Variants in TRPM3 observed in about 807,000 individuals in gnomAD.
TRPM3 encodes the protein transient receptor potential cation channel subfamily M member 3.
Under a neutral mutation model 181.2 loss-of-function variants are expected in TRPM3, and 77 were observed. The observed-to-expected ratio is 0.42, with a 90% CI of 0.35 to 0.51. The LOEUF is 0.51. Among genes scored for constraint, TRPM3 ranks in the 20% least tolerant of loss-of-function variants. TRPM3 has a pLI of 0.01. For synonymous variants in TRPM3, 745 were observed against 796.4 expected, an observed-to-expected ratio of 0.94 and a Z score of 1.09; for missense variants, 1,759 against 2,196.7, an observed-to-expected ratio of 0.80 and a Z score of 3.98.
At chr9:71,250,131 T>C (rs1482401272) in intron 1 of TRPM3, among the ~76,000 whole-genome samples, 1 of 152,226 alleles carries the variant, frequency 6.6e-6, no homozygotes, top group African/African-American at 2.4e-5. Context: ...GTCACAATTC[T>C]ACATAGGAGG....
chr9:71,260,622 G>T (rs1207812190), intron 1 of TRPM3, among the ~76,000 whole-genome samples: 1 of 152,062 alleles, frequency 6.6e-6, no homozygotes, highest in African/African-American at 2.4e-5. Flanking sequence ...ATTCCAAGGT[G>T]TTTTATTCTC....
At chr9:70,861,133 A>G (rs2132360171) in intron 3 of TRPM3, among the ~76,000 whole-genome samples, 1 of 152,306 alleles carries the variant, frequency 6.6e-6, no homozygotes, top group East Asian at 1.9e-4. Flanking sequence ...CTGGACTTGT[A>G]AAAAACAGTA....
Position 70,625,270 on chromosome 9 carries a change from A to G in TRPM3, c.1730T>C (p.Leu577Pro). 6.2e-7 allele frequency: 1 copy of G among 1,614,174 alleles called. No homozygotes were observed. Among genetic ancestry groups the G allele is most frequent in the Non-Finnish European group, 8.5e-7 (1 of 1,180,036 alleles). The change falls in exon 14 of 26, where the codon CTG becomes CCG. Residue 577 changes from leucine (L) to proline (P), a missense_variant. Leu to Pro is a moderately conservative substitution (Grantham distance 98). Around this residue, in one of 8 missense-constraint regions of TRPM3, gnomAD observed 737 missense variants for 957.4 expected, o/e 0.77. Transcript: ENST00000677713. The surrounding 1 kb of genome is among the most constrained non-coding windows in gnomAD (Gnocchi z 4.8). ...LIDIGLVIEY[L>P]MGGAYRCNYT... ...GTTGCAGCGATAAGCCCCGCCCATC[A>G]GGTACTCGATCACCAGGCCGATGTC...
Position 70,776,448 on chromosome 9 carries a change from CTTT to C in TRPM3, c.1148+7654_1148+7656del, listed in dbSNP as rs2081375403. The C allele has an allele frequency of 4.2e-6, 3 of 713,690 alleles. No homozygotes were observed. In the Admixed American group the frequency reaches 6.1e-5, roughly 14 times the overall value. The allele number at this position is 713,690 out of a possible 1,614,324, so 44.2% of individuals were successfully genotyped here. ...TCTAAATACCTTTGCTTTCCTCTTCCTTTTTTCTTTCTCTTTTTAGATTGGTTA... is the reference window on the plus strand; with the variant it reads ...TCTAAATACCTTTGCTTTCCTCTTCCTTTCTTTCTCTTTTTAGATTGGTTA... On this transcript the variant is annotated intron_variant, in intron 7 of 25. Coordinates refer to ENST00000677713, the MANE Select transcript of TRPM3 (RefSeq NM_001366145.2).
chr9:70,696,227 T>G (rs1466834905), intron 8 of TRPM3, among the ~76,000 whole-genome samples: 1 of 152,230 alleles, frequency 6.6e-6, no homozygotes, highest in Non-Finnish European at 1.5e-5. Context: ...TAGCCTGTAC[T>G]TTTTAGATGG....
chr9:70,923,857 CAT>C (rs60597888), intron 1 of TRPM3, among the ~76,000 whole-genome samples: 36,491 of 145,932 alleles, frequency 0.25, 4,894 homozygotes, highest in African/African-American at 0.29. Context: ...CACACACACA[CAT>C]ATATATATAT....
intron 8 of TRPM3, among the ~76,000 whole-genome samples, chr9:70,697,201 T>G (rs4745025): frequency 0.51 from 77,443 of 152,114 alleles, 20,604 homozygotes; most frequent in Non-Finnish European, 0.58. Context: ...ACGTAAAACT[T>G]CATTTTCTGA....
intron 18 of TRPM3, among the ~76,000 whole-genome samples, chr9:70,612,994 G>GGACTT (rs1173536101): frequency 6.6e-6 from 1 of 152,126 alleles, no homozygotes; most frequent in Non-Finnish European, 1.5e-5. Flanking sequence ...CTGGGTCTGT[G>GGACTT]GACTTGTGGG....
intron 1 of TRPM3, among the ~76,000 whole-genome samples, chr9:71,347,556 T>C (rs2091367870): frequency 6.6e-6 from 1 of 152,170 alleles, no homozygotes; most frequent in African/African-American, 2.4e-5. Flanking sequence ...AAAATAAACA[T>C]TTTGAATAGC....
chr9:71,277,522 C>T (rs2084314181), intron 1 of TRPM3, among the ~76,000 whole-genome samples: 1 of 151,940 alleles, frequency 6.6e-6, no homozygotes, highest in Admixed American at 6.6e-5. Context: ...TGTGACAAAT[C>T]AAAGGAGTCT....
intron 1 of TRPM3, among the ~76,000 whole-genome samples, chr9:71,207,413 C>T (rs2079189926): frequency 6.6e-6 from 1 of 152,184 alleles, no homozygotes; most frequent in African/African-American, 2.4e-5. Flanking sequence ...ATTTAAATGT[C>T]ATTGATGATC....
rs143395967 is a variant in TRPM3 at position 71,348,514 on chromosome 9, T to C, written c.183+98139A>G. On this transcript the variant is annotated intron_variant, in intron 1 of 24. Coordinates refer to the TRPM3 transcript ENST00000357533. ...CAAAAATTCTGTCATTTTCATAGTT[T>C]GGTAGTTGACTTTTCTGAAAACAGT... Among the ~76,000 whole-genome samples, 32 of 151,392 alleles carry C rather than the reference T, an allele frequency of 2.1e-4. 1 individual carries two copies. The East Asian group carries it at 6.0e-3, about 28-fold the overall frequency.
At chr9:71,071,257 G>A (rs1289739092) in intron 1 of TRPM3, among the ~76,000 whole-genome samples, 1 of 152,094 alleles carries the variant, frequency 6.6e-6, no homozygotes, top group African/African-American at 2.4e-5. Context: ...CGTGTTTTGA[G>A]GGTAACGGAA....
chr9:71,249,848 G>C (rs2082240366), intron 1 of TRPM3, among the ~76,000 whole-genome samples: 1 of 152,092 alleles, frequency 6.6e-6, no homozygotes, highest in Non-Finnish European at 1.5e-5. Context: ...AAGATGAATG[G>C]GTCAGGAGAT....
chr9:70,912,202 G>A (rs1422138351), intron 1 of TRPM3, among the ~76,000 whole-genome samples: 1 of 152,174 alleles, frequency 6.6e-6, no homozygotes, highest in Non-Finnish European at 1.5e-5. Flanking sequence ...AAGGATAAAT[G>A]TAATCTTCTC....
intron 8 of TRPM3, among the ~76,000 whole-genome samples, chr9:70,740,740 G>A (rs2073890649): frequency 6.6e-6 from 1 of 152,144 alleles, no homozygotes; most frequent in African/African-American, 2.4e-5. Flanking sequence ...AACAAATGAT[G>A]ATGGGATAAT....
chr9:70,783,894 C>T, intron 7 of TRPM3: 1 of 1,284,798 alleles, frequency 7.8e-7, no homozygotes, highest in Non-Finnish European at 9.9e-7. Context: ...ATCCGTGTAG[C>T]TTTCATAGAA....
intron 1 of TRPM3, among the ~76,000 whole-genome samples, chr9:70,891,598 A>C (rs2096204060): frequency 6.6e-6 from 1 of 152,194 alleles, no homozygotes; most frequent in Non-Finnish European, 1.5e-5. Flanking sequence ...AATGAACAGC[A>C]ATAGCAAAAT....
chr9:71,260,746 G>T (rs1445623492), intron 1 of TRPM3, among the ~76,000 whole-genome samples: 1 of 152,174 alleles, frequency 6.6e-6, no homozygotes, highest in Admixed American at 6.5e-5. Flanking sequence ...CTGAGACTTT[G>T]CTGAAGTTGC....
Sources: gnomAD v4.1 joint callset for allele counts (sites outside exome capture counted in the v4.1 genomes callset) on GRCh38, gnomAD v4.1.1 for gene constraint, gnomAD v4.1.1 regional missense constraint, Gnocchi (gnomAD v3.1) non-coding constraint, MANE v1.5 for transcripts, NCBI Gene and HGNC (gene_info 2026-07-23, HGNC 2026-07-21) for gene names.